Variants in GFPT1 observed in about 807,000 individuals in gnomAD.
The protein encoded by GFPT1 is glutamine--fructose-6-phosphate aminotransferase [isomerizing] 1.
Under a neutral mutation model 92.0 loss-of-function variants are expected in GFPT1, and 40 were observed. The observed-to-expected ratio is 0.43, with a 90% CI of 0.34 to 0.57. The LOEUF (loss-of-function observed/expected upper bound fraction) is 0.57, where lower values mean the gene tolerates loss of function less well. GFPT1 is among the 20% of genes least tolerant of loss of function. The pLI, the probability that GFPT1 is intolerant of heterozygous loss-of-function variation, is 0.02. For missense variants in GFPT1, 448 were observed against 869.1 expected (o/e 0.52, Z 6.09); for synonymous variants, 269 against 280.6 (o/e 0.96, Z 0.41).
At chr2:69,355,315 C>G (rs1671311091) in intron 7 of GFPT1, among the ~76,000 whole-genome samples, 1 of 152,080 alleles carries the variant, frequency 6.6e-6, no homozygotes, top group Non-Finnish European at 1.5e-5. Context: ...TGGGGTCAAG[C>G]AATCCACCCA....
chr2:69,328,057 C>T (rs1290671193), intron 18 of GFPT1, among the ~76,000 whole-genome samples: 5 of 146,336 alleles, frequency 3.4e-5, no homozygotes, highest in Non-Finnish European at 7.4e-5. Context: ...CAAGATTGTG[C>T]CACTGCACTC....
At chr2:69,380,885 ATTATT>A (rs975835954) in intron 1 of GFPT1, among the ~76,000 whole-genome samples, 1 of 152,150 alleles carries the variant, frequency 6.6e-6, no homozygotes, top group Non-Finnish European at 1.5e-5. Context: ...TCTCCCAGAT[ATTATT>A]TTAGAGTCTA....
At chr2:69,357,661 T>C (rs1272430624) in intron 6 of GFPT1, among the ~76,000 whole-genome samples, 1 of 152,176 alleles carries the variant, frequency 6.6e-6, no homozygotes, top group Non-Finnish European at 1.5e-5. Context: ...AGTAAAGGAC[T>C]TTTAAGTGGG....
In GFPT1 at chr2:69,367,330, T is replaced by C. The variant is rs1489818389; in HGVS notation, c.223+2671A>G. ...AGCTACATATGCTCATTCACTATCATATACAACTTATTTTTTGTTGTTGTT... is the reference window on the plus strand; with the variant it reads ...AGCTACATATGCTCATTCACTATCACATACAACTTATTTTTTGTTGTTGTT... On this transcript the variant is annotated intron_variant, in intron 3 of 19. Transcript: ENST00000357308. Among the ~76,000 whole-genome samples the C allele has an allele frequency of 2.0e-5, 3 of 149,470 alleles. No individual in the cohort carries two copies. In the East Asian group the frequency reaches 5.9e-4, roughly 29 times the overall value.
At chr2:69,348,077 AT>A (rs1671125538) in intron 11 of GFPT1, 93 bp downstream of exon 11, 1 of 981,678 alleles carries the variant, frequency 1.0e-6, no homozygotes, top group African/African-American at 1.6e-5. Context: ...GATTCCACTC[AT>A]CATTCATTAC....
At chr2:69,375,564 G>A (rs910044298) in intron 1 of GFPT1, among the ~76,000 whole-genome samples, 12 of 151,916 alleles carry the variant, frequency 7.9e-5, no homozygotes, top group African/African-American at 2.7e-4. Context: ...CTGAAACAAC[G>A]GTTTCAACTC....
At chr2:69,337,509 T>C (rs1670830148) in intron 15 of GFPT1, among the ~76,000 whole-genome samples, 1 of 152,234 alleles carries the variant, frequency 6.6e-6, no homozygotes, top group Non-Finnish European at 1.5e-5. Flanking sequence ...AATTTGTTAC[T>C]TTTCAAATTC....
intron 1 of GFPT1, among the ~76,000 whole-genome samples, chr2:69,378,922 C>T (rs1671941990): frequency 6.6e-6 from 1 of 152,018 alleles, no homozygotes; most frequent in South Asian, 2.1e-4. Context: ...TCTTATAATG[C>T]TAGTCACAAA....
chr2:69,334,279 A>C (rs1344365287), intron 15 of GFPT1, among the ~76,000 whole-genome samples: 1 of 152,212 alleles, frequency 6.6e-6, no homozygotes, highest in Non-Finnish European at 1.5e-5. Context: ...TAAGTAACTA[A>C]GCCCAAAATG....
At chr2:69,330,531 G>T in intron 15 of GFPT1, among the ~76,000 whole-genome samples, 3 of 140,368 alleles carry the variant, frequency 2.1e-5, no homozygotes, top group Admixed American at 7.2e-5. Flanking sequence ...TTCCACCTTT[G>T]CCTATTGCCT....
Position 69,356,567 on chromosome 2 carries a change from G to A in GFPT1, c.544-10C>T. Reference sequence around the variant, plus strand: ...GTGCAAAAGCACCTTCCTAGGGAGGGAAAAAAATCCATTAGCACTATTTAA... The same window carrying A: ...GTGCAAAAGCACCTTCCTAGGGAGGAAAAAAAATCCATTAGCACTATTTAA... On this transcript the variant is annotated splice_polypyrimidine_tract_variant and intron_variant, in intron 6 of 19. Coordinates refer to ENST00000357308, the MANE Select transcript of GFPT1 (RefSeq NM_001244710.2). The A allele has an allele frequency of 6.2e-7, 1 of 1,604,472 alleles. No individual in the cohort carries two copies. The highest frequency in any genetic ancestry group is 8.5e-7 in the Non-Finnish European group (1 of 1,171,380).
At chr2:69,357,429 AGGGAAGAACC>A (rs1671365015) in intron 6 of GFPT1, among the ~76,000 whole-genome samples, 1 of 152,212 alleles carries the variant, frequency 6.6e-6, no homozygotes. Context: ...GAAGTAGGAG[AGGGAAGAACC>A]ACCTTGGAAC....
rs1670579920 is a variant in GFPT1, at chr2:69,328,270, C to G, written c.1893+1G>C. The G allele has an allele frequency of 6.2e-7, 1 of 1,612,776 alleles. No homozygotes were observed. The highest frequency in any genetic ancestry group is 8.5e-7 in the Non-Finnish European group (1 of 1,178,942). ...GGTGTTCTCACAGTCCCCCGACTTA[C>G]CTGCCGAGCAACCACTTGCTGAAGA... On this transcript the variant is annotated splice_donor_variant, in intron 18 of 19. Coordinates refer to ENST00000357308, the MANE Select transcript of GFPT1 (RefSeq NM_001244710.2). LOFTEE classifies it high-confidence loss of function.
At chr2:69,338,267 CA>C (rs1488211511) in intron 14 of GFPT1, among the ~76,000 whole-genome samples, 177 bp downstream of exon 14, 1 of 152,088 alleles carries the variant, frequency 6.6e-6, no homozygotes, top group African/African-American at 2.4e-5. Flanking sequence ...GCTCTTTGAA[CA>C]CAAAAGGTGT....
chr2:69,331,809 A>G (rs1001063433), intron 15 of GFPT1, among the ~76,000 whole-genome samples: 3 of 152,092 alleles, frequency 2.0e-5, no homozygotes, highest in Admixed American at 2.0e-4. Flanking sequence ...TCTGGCATTC[A>G]TTGTAGATTA....
Position 69,354,485 on chromosome 2 carries a change from T to C in GFPT1, c.685+4A>G. On this transcript the variant is annotated splice_donor_region_variant and intron_variant, in intron 8 of 19. Coordinates refer to ENST00000357308, the MANE Select transcript of GFPT1 (RefSeq NM_001244710.2). Reference sequence around the variant, plus strand: ...CTGCACTGCATTTGTAGAGGTAATTTTACCTGTTCTGTAGAGTATAGGAAT... The same window carrying C: ...CTGCACTGCATTTGTAGAGGTAATTCTACCTGTTCTGTAGAGTATAGGAAT... 6.4e-7 allele frequency: 1 copy of C among 1,559,654 alleles called. No homozygotes were observed. The highest frequency in any genetic ancestry group is 8.8e-7 in the Non-Finnish European group (1 of 1,130,512).
intron 2 of GFPT1, among the ~76,000 whole-genome samples, chr2:69,373,034 T>C (rs924952141): frequency 3.3e-5 from 5 of 152,220 alleles, no homozygotes; most frequent in African/African-American, 4.8e-5. Context: ...AGAGGGTGCC[T>C]ATGTGACCAA....
chr2:69,355,376 C>G (rs1318375689), intron 7 of GFPT1, among the ~76,000 whole-genome samples: 2 of 150,052 alleles, frequency 1.3e-5, no homozygotes, highest in Admixed American at 1.3e-4. Context: ...CCACGCCCAG[C>G]CTAATACAGG....
chr2:69,326,503 C>T (rs1670535458), intron 19 of GFPT1, among the ~76,000 whole-genome samples: 3 of 152,114 alleles, frequency 2.0e-5, no homozygotes, highest in African/African-American at 7.2e-5. Context: ...AGTAGTAGCC[C>T]TCATAGGGGA....
Sources: allele counts gnomAD v4.1 joint callset (sites outside exome capture counted in the v4.1 genomes callset), GRCh38; gene constraint gnomAD v4.1.1; transcripts MANE v1.5; gene names NCBI Gene and HGNC (gene_info 2026-07-23, HGNC 2026-07-21).